PREX1: variants seen among roughly 807,000 people sequenced by gnomAD.
PREX1 encodes phosphatidylinositol 3,4,5-trisphosphate-dependent Rac exchanger 1 protein.
A neutral mutation model predicts 198.3 loss-of-function variants in PREX1; 41 were observed. The ratio of observed to expected loss-of-function variants is 0.21; its 90% confidence interval spans 0.16 to 0.27. PREX1 has a LOEUF of 0.27. Among genes scored for constraint, PREX1 ranks in the 10% least tolerant of loss-of-function variants. PREX1 has a pLI of 1.00. For synonymous variants in PREX1, 843 were observed against 887.2 expected, an observed-to-expected ratio of 0.95 and a Z score of 0.89; for missense variants, 1,620 against 2,200.7, an observed-to-expected ratio of 0.74 and a Z score of 5.28.
At chr20:48,815,507 T>C (rs1004651374) in intron 1 of PREX1, among the ~76,000 whole-genome samples, 1 of 152,114 alleles carries the variant, frequency 6.6e-6, no homozygotes, top group Non-Finnish European at 1.5e-5. Flanking sequence ...ATCAATGCAA[T>C]CAGATGGGCT....
chr20:48,743,700 G>A (rs2090093022), intron 3 of PREX1, among the ~76,000 whole-genome samples: 1 of 152,220 alleles, frequency 6.6e-6, no homozygotes, highest in African/African-American at 2.4e-5. Context: ...CAATGTCCTG[G>A]ATTTATCCCG....
intron 21 of PREX1, 81 bp downstream of exon 21, chr20:48,652,505 G>C: frequency 6.8e-7 from 1 of 1,472,970 alleles, no homozygotes; most frequent in East Asian, 2.4e-5. Context: ...GGGGAGGGGA[G>C]GGGACAACAG....
Position 48,827,842 on chromosome 20 carries a change from T to C in PREX1, c.19A>G (p.Ser7Gly). 3 of 985,926 alleles carry C rather than the reference T, an allele frequency of 3.0e-6. No individual in the cohort carries two copies. Among genetic ancestry groups the C allele is most frequent in the Non-Finnish European group, 3.6e-6 (3 of 831,208 alleles). 61.1% of individuals were successfully genotyped at this position (985,926 alleles called of 1,614,324 possible). ...CCGGCCCCGTCGCCGCCGGGCTCGC[T>C]GCCGCTGGGCGCCTCCATTCTAGCG... is the stretch of plus-strand genomic sequence containing the variant. MEAPSG[S>G]EPGGDGAGDC... Residue 7 changes from serine to glycine, a missense_variant, in exon 1 of 40, where the codon AGC becomes GGC. This residue lies in a region of PREX1 where 96 missense variants were observed against 98.7 expected (regional missense o/e 0.97). Transcript: ENST00000371941. The surrounding 1 kb of genome is among the most constrained non-coding windows in gnomAD (Gnocchi z 4.1).
In PREX1 at chr20:48,691,306, C is replaced by T. The variant is rs2089818139; in HGVS notation, c.1037-210G>A. On this transcript the variant is annotated intron_variant, in intron 8 of 39. Coordinates refer to ENST00000371941, the MANE Select transcript of PREX1 (RefSeq NM_020820.4). The surrounding 1 kb of genome is among the most constrained non-coding windows in gnomAD (Gnocchi z 5.0). ...TGCAAACAAAGACCCCTCTCAACCACTCAATGACAGGGGGCTTCATTTTAA... is the reference window on the plus strand; with the variant it reads ...TGCAAACAAAGACCCCTCTCAACCATTCAATGACAGGGGGCTTCATTTTAA... Among the ~76,000 whole-genome samples, 1 of 152,240 alleles carries T rather than the reference C, an allele frequency of 6.6e-6. No individual in the cohort carries two copies. Among genetic ancestry groups the T allele is most frequent in the South Asian group, 2.1e-4 (1 of 4,834 alleles).
intron 23 of PREX1, 138 bp from the exon 24 acceptor site, chr20:48,650,344 AGG>A (rs1243353937): frequency 1.2e-6 from 1 of 868,220 alleles, no homozygotes; most frequent in East Asian, 2.6e-5. Context: ...CCAAATGAGA[AGG>A]GGAACCCCTG....
chr20:48,657,148 T>C lies in PREX1; in HGVS notation c.2015A>G (p.Asn672Ser). Residue 672 changes from asparagine (N) to serine (S), a missense_variant, in exon 18 of 40, where the codon AAT (asparagine) becomes AGT (serine). Physicochemically the swap from Asn to Ser is conservative, Grantham distance 46. Around this residue, in one of 7 missense-constraint regions of PREX1, gnomAD observed 488 missense variants for 802.5 expected, o/e 0.61. Coordinates refer to ENST00000371941, the MANE Select transcript of PREX1 (RefSeq NM_020820.4). ...CGGCCGCAGGAACACCAGGTCCTCA[T>C]TGATGGAGTAGATCTTCCTCCCCAC... Reference protein sequence around the residue: ...LQVGRKIYSINEDLVFLRPFS... With the variant: ...LQVGRKIYSISEDLVFLRPFS... The C allele has an allele frequency of 1.2e-6, 2 of 1,613,468 alleles. No individual in the cohort carries two copies. The highest frequency in any genetic ancestry group is 1.7e-6 in the Non-Finnish European group (2 of 1,179,794).
At chr20:48,829,167 A>G (rs1193623727), upstream of PREX1, among the ~76,000 whole-genome samples, 1 of 152,146 alleles carries the variant, frequency 6.6e-6, no homozygotes, top group Admixed American at 6.6e-5. Flanking sequence ...CCCAACACCT[A>G]GAAAGTTCTC....
chr20:48,649,580 C>A lies in PREX1; in HGVS notation c.3029-4G>T. On this transcript the variant is annotated splice_region_variant and splice_polypyrimidine_tract_variant and intron_variant, in intron 24 of 39. Transcript: ENST00000371941. ...TACGACATGGGGTTCAGGTGGCCTGCAGTGGAGGAAGAGAGAGCTCACTGG... is the reference window on the plus strand; with the variant it reads ...TACGACATGGGGTTCAGGTGGCCTGAAGTGGAGGAAGAGAGAGCTCACTGG... The A allele has an allele frequency of 6.3e-7, 1 of 1,580,464 alleles. No homozygotes were observed. Among genetic ancestry groups the A allele is most frequent in the African/African-American group, 1.3e-5 (1 of 74,280 alleles).
intron 24 of PREX1, among the ~76,000 whole-genome samples, 173 bp downstream of exon 24, chr20:48,649,823 C>A (rs989566251): frequency 3.9e-5 from 6 of 152,234 alleles, no homozygotes. Flanking sequence ...CAGATATCAT[C>A]CACAAGGCAT....
At chr20:48,798,496 T>C (rs1022652074) in intron 1 of PREX1, among the ~76,000 whole-genome samples, 2 of 152,216 alleles carry the variant, frequency 1.3e-5, no homozygotes, top group African/African-American at 4.8e-5. Context: ...TGGAAGGCCC[T>C]GCATGCTCTG....
rs118035999 is a variant in PREX1 at position 48,691,949 on chromosome 20, G to C, written c.1036+723C>G. ...CTGTCACCCAGGCTGGAGTGCACTG[G>C]TGAAATCATGGCTCACTGCAGCATC... On this transcript the variant is annotated intron_variant, in intron 8 of 39. Coordinates refer to ENST00000371941, the MANE Select transcript of PREX1 (RefSeq NM_020820.4). This position sits in a 1 kb window ranked among gnomAD's most constrained non-coding sequence, Gnocchi z 5.0. 2.9e-3 allele frequency among the ~76,000 whole-genome samples: 443 copies of C among 152,340 alleles called. 10 individuals carry two copies. In the East Asian group the frequency reaches 0.061, roughly 21 times the overall value.
chr20:48,807,796 C>A (rs1256346280), intron 1 of PREX1, among the ~76,000 whole-genome samples: 1 of 152,102 alleles, frequency 6.6e-6, no homozygotes, highest in African/African-American at 2.4e-5. Context: ...TGGAAGGTGA[C>A]GTTGACTGAT....
chr20:48,728,459 A>G (rs1419688940), intron 4 of PREX1, among the ~76,000 whole-genome samples: 1 of 152,240 alleles, frequency 6.6e-6, no homozygotes, highest in Non-Finnish European at 1.5e-5. Context: ...CTCTGCCTGG[A>G]AAAGCAGAAT....
At position 48,684,449 on chromosome 20, in the gene PREX1, C is replaced by T. The variant is rs142804908; in HGVS notation, c.1335-3114G>A. Among the ~76,000 whole-genome samples the T allele has an allele frequency of 3.6e-3, 554 of 152,314 alleles. 2 individuals are homozygous for T. The highest frequency in any genetic ancestry group is 6.6e-3 in the Admixed American group (101 of 15,302). On this transcript the variant is annotated intron_variant, in intron 10 of 39. Transcript: ENST00000371941. This position sits in a 1 kb window ranked among gnomAD's most constrained non-coding sequence, Gnocchi z 4.2. ...ACCGACCCTCTCGTGCACACTAACACCCTGCACCTGTGCGTACAGGTGGCC... is the reference window on the plus strand; with the variant it reads ...ACCGACCCTCTCGTGCACACTAACATCCTGCACCTGTGCGTACAGGTGGCC...
At chr20:48,688,992 A>G (rs1037330124) in intron 9 of PREX1, among the ~76,000 whole-genome samples, 188 bp from the exon 10 acceptor site, 2 of 152,190 alleles carry the variant, frequency 1.3e-5, no homozygotes, top group African/African-American at 2.4e-5. Context: ...GCACCTGCCA[A>G]TGACACCTCA....
intron 1 of PREX1, among the ~76,000 whole-genome samples, chr20:48,757,341 C>A (rs2090159853): frequency 6.6e-6 from 1 of 152,198 alleles, no homozygotes; most frequent in Non-Finnish European, 1.5e-5. Context: ...AGTGTCCACC[C>A]ACTGGACCTA....
chr20:48,658,124 C>T lies in PREX1; in HGVS notation c.1974+12G>A, dbSNP rs775998912. 46 of 1,610,664 alleles carry T rather than the reference C, an allele frequency of 2.9e-5. No homozygotes were observed. Among genetic ancestry groups the T allele is most frequent in the Admixed American group, 8.4e-5 (5 of 59,532 alleles). On this transcript the variant is annotated intron_variant, in intron 17 of 39. Transcript: ENST00000371941. ...TGCACACGGTCCCTGCCAGCTCCCC[C>T]GAGGGCCTCACCTCAGCCAGCGAGC...
In PREX1 at chr20:48,646,077, G is replaced by T; in HGVS notation, c.3306-20C>A. Reference sequence around the variant, plus strand: ...AGCAGCCTACGGAAGCAAAGACCTTGAAGTCAAAGATACAGGCCTGGCCCT... The same window carrying T: ...AGCAGCCTACGGAAGCAAAGACCTTTAAGTCAAAGATACAGGCCTGGCCCT... On this transcript the variant is annotated intron_variant, in intron 25 of 39. Coordinates refer to ENST00000371941, the MANE Select transcript of PREX1 (RefSeq NM_020820.4). The T allele has an allele frequency of 6.2e-7, 1 of 1,609,462 alleles. No homozygotes were observed. Among genetic ancestry groups the T allele is most frequent in the African/African-American group, 1.3e-5 (1 of 75,016 alleles).
chr20:48,860,472 T>A, the PREX1 span, among the ~76,000 whole-genome samples: 1 of 152,218 alleles, frequency 6.6e-6, no homozygotes, highest in Non-Finnish European at 1.5e-5. Flanking sequence ...ACAATGTGGA[T>A]GTACTTAACG....
Sources: allele counts gnomAD v4.1 joint callset (sites outside exome capture counted in the v4.1 genomes callset), GRCh38; gene constraint gnomAD v4.1.1; regional missense constraint gnomAD v4.1.1; non-coding constraint Gnocchi (gnomAD v3.1); transcripts MANE v1.5; gene names NCBI Gene and HGNC (gene_info 2026-07-23, HGNC 2026-07-21).